The following ASCC3 variants were observed in gnomAD, a reference collection of about 807,000 sequenced individuals.
The protein encoded by ASCC3 is activating signal cointegrator 1 complex subunit 3, also known as ASC-1 complex subunit P200.
Under a neutral mutation model 256.3 loss-of-function variants are expected in ASCC3, and 158 were observed. That is an observed-to-expected ratio of 0.62 (90% confidence interval 0.54 to 0.70). The LOEUF is 0.70. Ranked by LOEUF, ASCC3 falls within the 30% of genes least tolerant of loss-of-function variation. The probability of loss-of-function intolerance (pLI) is 0.00; values close to 1 mark genes in which losing one functional copy is unlikely to be tolerated. For missense variants in ASCC3, 2,259 were observed against 2,626.0 expected (o/e 0.86, Z 3.05); for synonymous variants, 948 against 883.4 (o/e 1.07, Z -1.30).
Position 100,527,117 on chromosome 6 carries a change from G to T in ASCC3, c.5776-8975C>A, listed in dbSNP as rs558846866. The stretch of plus-strand genomic sequence containing the variant: ...TACTCAAGTCACCTTAACAGTCGGT[G>T]TTGTTATAGTTGATAAGTTTCCAGC... On this transcript the variant is annotated intron_variant, in intron 37 of 41. Coordinates refer to ENST00000369162, the MANE Select transcript of ASCC3 (RefSeq NM_006828.4). Among the ~76,000 whole-genome samples, 7 of 152,258 alleles carry T rather than the reference G, an allele frequency of 4.6e-5. 1 individual carries two copies. The highest frequency in any genetic ancestry group is 4.6e-4 in the Admixed American group (7 of 15,294).
At chr6:100,578,179 G>A (rs1367652594) in intron 36 of ASCC3, among the ~76,000 whole-genome samples, 2 of 151,920 alleles carry the variant, frequency 1.3e-5, no homozygotes, top group Non-Finnish European at 2.9e-5. Context: ...CATAAAAGGC[G>A]AGAATTCAGA....
intron 25 of ASCC3, among the ~76,000 whole-genome samples, chr6:100,637,271 GGAACA>G (rs1774887248): frequency 1.3e-5 from 2 of 152,094 alleles, no homozygotes; most frequent in Non-Finnish European, 2.9e-5. Flanking sequence ...CTCTATAAAT[GGAACA>G]ACAAAGCCTG....
In ASCC3 at chr6:100,730,332, T is replaced by C. The variant is rs149047249; in HGVS notation, c.1738-4629A>G. ...ACAAAACAAAACAAAACAAAACAAA[T>C]GCCACTACCAAGTATATTTTCAAAA... is the stretch of plus-strand genomic sequence containing the variant. On this transcript the variant is annotated intron_variant, in intron 10 of 41. Transcript: ENST00000369162. 7.2e-3 allele frequency among the ~76,000 whole-genome samples: 407 copies of C among 56,430 alleles called. 1 individual carries two copies. The highest frequency in any genetic ancestry group is 0.022 in the African/African-American group (368 of 16,960). 37.0% of individuals were successfully genotyped at this position (56,430 alleles called of 152,430 possible).
chr6:100,586,716 G>A (rs980814359), intron 36 of ASCC3, among the ~76,000 whole-genome samples: 3 of 151,940 alleles, frequency 2.0e-5, no homozygotes, highest in Non-Finnish European at 2.9e-5. Context: ...GTTCCTATTC[G>A]GCCATCTTGG....
intron 37 of ASCC3, among the ~76,000 whole-genome samples, chr6:100,524,708 G>T (rs1170825210): frequency 2.6e-5 from 4 of 152,030 alleles, no homozygotes; most frequent in African/African-American, 9.7e-5. Context: ...TGGCTGTAGG[G>T]TGTATTCATG....
intron 8 of ASCC3, among the ~76,000 whole-genome samples, chr6:100,775,776 G>T (rs542966935): frequency 6.6e-6 from 1 of 151,576 alleles, no homozygotes. Context: ...GAAAATGAAC[G>T]AAATAATTTT....
intron 13 of ASCC3, among the ~76,000 whole-genome samples, chr6:100,690,806 T>G (rs188120231): frequency 6.6e-6 from 1 of 152,234 alleles, no homozygotes; most frequent in Admixed American, 6.5e-5. Flanking sequence ...ATGTAATAGA[T>G]CCACACTTGG....
intron 18 of ASCC3, among the ~76,000 whole-genome samples, chr6:100,652,402 T>C (rs116415736): frequency 0.015 from 2,298 of 152,200 alleles, 54 homozygotes; most frequent in African/African-American, 0.052. Flanking sequence ...AGAAGGTTTA[T>C]TTGGGGAAAG....
At chr6:100,650,788 T>A (rs911358771) in intron 19 of ASCC3, 74 bp from the exon 20 acceptor site, 1 of 1,159,846 alleles carries the variant, frequency 8.6e-7, no homozygotes, top group Non-Finnish European at 1.3e-6. Flanking sequence ...ATTAAATACA[T>A]TGCATGTTTT....
chr6:100,580,561 C>T (rs1038900749), intron 36 of ASCC3, among the ~76,000 whole-genome samples: 2 of 151,164 alleles, frequency 1.3e-5, no homozygotes, highest in African/African-American at 4.9e-5. Flanking sequence ...ATTCAGAAGA[C>T]CCAAAATAAA....
intron 37 of ASCC3, 129 bp downstream of exon 37, chr6:100,540,034 A>C (rs1331302609): frequency 2.4e-6 from 2 of 834,674 alleles, no homozygotes; most frequent in Non-Finnish European, 4.0e-6. Flanking sequence ...TGATATGATC[A>C]ACCAGTTGTT....
intron 13 of ASCC3, among the ~76,000 whole-genome samples, chr6:100,698,541 C>CA (rs912066797): frequency 6.6e-6 from 1 of 151,560 alleles, no homozygotes; most frequent in African/African-American, 2.4e-5. Flanking sequence ...TAACTGGTGA[C>CA]AAAAATGATA....
At position 100,608,182 on chromosome 6, in the gene ASCC3, G is replaced by A. The variant is rs1211535697; in HGVS notation, c.4786-1094C>T. ...TATTTATATACATATTTATATATGT[G>A]TGTGTATATATATACTTTATATATA... On this transcript the variant is annotated intron_variant, in intron 30 of 41. Coordinates refer to ENST00000369162, the MANE Select transcript of ASCC3 (RefSeq NM_006828.4). Among the ~76,000 whole-genome samples the A allele has an allele frequency of 1.9e-3, 41 of 21,208 alleles. 4 individuals carry two copies. Among genetic ancestry groups the A allele is most frequent in the Non-Finnish European group, 2.2e-3 (19 of 8,642 alleles). 13.9% of individuals were successfully genotyped at this position (21,208 alleles called of 152,430 possible). A position where few individuals can be genotyped will look rare whatever the true frequency, so the allele number is the denominator to read the frequency against.
At chr6:100,741,521 T>G (rs1168514952) in intron 10 of ASCC3, among the ~76,000 whole-genome samples, 1 of 152,226 alleles carries the variant, frequency 6.6e-6, no homozygotes, top group African/African-American at 2.4e-5. Context: ...GGTACCCCAA[T>G]CAGTCGTAGG....
At position 100,652,942 on chromosome 6, in the gene ASCC3, T is replaced by G. The variant is rs370110507; in HGVS notation, c.2824-53A>C. The G allele has an allele frequency of 9.7e-5, 146 of 1,504,176 alleles. No homozygotes were observed. In the African/African-American group the frequency reaches 1.9e-3, roughly 20 times the overall value. 93.2% of individuals were successfully genotyped at this position (1,504,176 alleles called of 1,614,324 possible). ...AATAGTGCTTTAGAGAGTAACCATT[T>G]GCAAACATATATTTATTTATGGAAA... is the stretch of plus-strand genomic sequence containing the variant. On this transcript the variant is annotated intron_variant, in intron 17 of 41. Coordinates refer to ENST00000369162, the MANE Select transcript of ASCC3 (RefSeq NM_006828.4).
intron 23 of ASCC3, among the ~76,000 whole-genome samples, 163 bp downstream of exon 23, chr6:100,643,868 C>T (rs534877726): frequency 1.3e-5 from 2 of 151,424 alleles, no homozygotes; most frequent in Admixed American, 6.5e-5. Context: ...TATACCAATA[C>T]TATAACATTT....
rs1773823832 is a variant in ASCC3, at chr6:100,512,629, T to TAGTCACATA, written c.6285+71_6285+79dup. On this transcript the variant is annotated intron_variant, in intron 40 of 41. Transcript: ENST00000369162. ...GGATTCATGAATGACACGGGCACAT[T>TAGTCACATA]AGTCACATAACAGATATGTGTGGTG... The TAGTCACATA allele has an allele frequency of 5.0e-5, 68 of 1,347,096 alleles. 1 individual carries two copies. The South Asian group carries it at 7.1e-4, about 14-fold the overall frequency. The allele number at this position is 1,347,096 out of a possible 1,614,324, so 83.4% of individuals were successfully genotyped here.
At chr6:100,806,688 A>G (rs867900844) in intron 4 of ASCC3, among the ~76,000 whole-genome samples, 1 of 151,952 alleles carries the variant, frequency 6.6e-6, no homozygotes, top group Non-Finnish European at 1.5e-5. Flanking sequence ...AAACCATAAA[A>G]TAAAAATTTA....
At chr6:100,628,057 AG>A in intron 27 of ASCC3, 70 bp from the exon 28 acceptor site, 1 of 1,508,494 alleles carries the variant, frequency 6.6e-7, no homozygotes, top group Non-Finnish European at 9.2e-7. Flanking sequence ...CAACCACAAA[AG>A]GAAGAGTTTG....
Sources: allele counts gnomAD v4.1 joint callset (sites outside exome capture counted in the v4.1 genomes callset), GRCh38; gene constraint gnomAD v4.1.1; transcripts MANE v1.5; gene names NCBI Gene and HGNC (gene_info 2026-07-23, HGNC 2026-07-21).